LRIG3: variants seen among roughly 807,000 people sequenced by gnomAD.
The protein encoded by LRIG3 is leucine-rich repeats and immunoglobulin-like domains protein 3.
LRIG3 carries 76 observed loss-of-function variants against 114.5 expected under a neutral mutation model. The ratio of observed to expected loss-of-function variants is 0.66; its 90% CI spans 0.55 to 0.80. The LOEUF is 0.80. Among genes scored for constraint, LRIG3 ranks in the 30% least tolerant of loss-of-function variants. The pLI is 0.00. For synonymous variants in LRIG3, 512 were observed against 519.8 expected (o/e 0.98, Z 0.20); for missense variants, 1,239 against 1,382.8 (o/e 0.90, Z 1.65).
At chr12:58,900,590 T>G (rs1018426339) in intron 3 of LRIG3, among the ~76,000 whole-genome samples, 1 of 152,188 alleles carries the variant, frequency 6.6e-6, no homozygotes, top group African/African-American at 2.4e-5. Context: ...TAAGTTACTA[T>G]AGTCTGTTTT....
chr12:58,879,761 A>AT (rs1330612625), intron 13 of LRIG3, among the ~76,000 whole-genome samples: 1 of 152,248 alleles, frequency 6.6e-6, no homozygotes, highest in East Asian at 1.9e-4. Flanking sequence ...CCTTGTAGCC[A>AT]TTTTGCTACA....
intron 1 of LRIG3, among the ~76,000 whole-genome samples, chr12:58,915,799 C>A (rs1354646710): frequency 6.6e-6 from 1 of 152,144 alleles, no homozygotes; most frequent in Non-Finnish European, 1.5e-5. Context: ...AACCGTGAGC[C>A]CAACAACTCA....
intron 3 of LRIG3, among the ~76,000 whole-genome samples, chr12:58,904,551 A>T (rs1871989242): frequency 6.6e-6 from 1 of 152,202 alleles, no homozygotes. Flanking sequence ...TATACTGAAA[A>T]GTCAAGTCAT....
rs1871345718 is a variant in LRIG3 at position 58,888,412 on chromosome 12, C to T, written c.864G>A (p.Met288Ile). The T allele has an allele frequency of 1.2e-6, 2 of 1,613,726 alleles. No individual in the cohort carries two copies. The highest frequency in any genetic ancestry group is 1.7e-6 in the Non-Finnish European group (2 of 1,179,852). ...ITKGWLYGLLMLQELHLSQNA... is the reference protein window; with the variant it reads ...ITKGWLYGLLILQELHLSQNA... ...TTTGGCTGAGATGAAGTTCCTGCAG[C>T]ATCAGCAAGCCGTAAAGCCAGCCTT... The change falls in exon 7 of 19, where the codon ATG becomes ATA. Residue 288 changes from methionine (M) to isoleucine (I), a missense_variant. Physicochemically the swap from Met to Ile is conservative, Grantham distance 10 (BLOSUM62 1). Coordinates refer to ENST00000320743, the MANE Select transcript of LRIG3 (RefSeq NM_153377.5).
At chr12:58,883,341 G>A (rs1871177193) in intron 11 of LRIG3, among the ~76,000 whole-genome samples, 179 bp downstream of exon 11, 1 of 152,126 alleles carries the variant, frequency 6.6e-6, no homozygotes, top group Admixed American at 6.5e-5. Flanking sequence ...AAAATAGAAA[G>A]AAAAACTCAT....
chr12:58,905,191 G>A (rs933142666), intron 3 of LRIG3, among the ~76,000 whole-genome samples: 2 of 152,164 alleles, frequency 1.3e-5, no homozygotes, highest in Non-Finnish European at 2.9e-5. Flanking sequence ...AATGGGAACT[G>A]TTGAAGGGTT....
chr12:58,904,623 T>C (rs975264236), intron 3 of LRIG3, among the ~76,000 whole-genome samples: 4 of 152,274 alleles, frequency 2.6e-5, no homozygotes, highest in Middle Eastern at 6.8e-3. Flanking sequence ...CCAAAATGGG[T>C]CATTGTCAAA....
intron 3 of LRIG3, among the ~76,000 whole-genome samples, chr12:58,912,725 G>A (rs1872331817): frequency 6.6e-6 from 1 of 152,188 alleles, no homozygotes; most frequent in African/African-American, 2.4e-5. Flanking sequence ...GACAGCAAGA[G>A]CAAAGTGGAA....
chr12:58,885,260 T>C (rs1871240137), intron 10 of LRIG3, among the ~76,000 whole-genome samples: 2 of 152,156 alleles, frequency 1.3e-5, no homozygotes, highest in South Asian at 4.1e-4. Flanking sequence ...TGTTTCATAA[T>C]TAAACAACAA....
intron 5 of LRIG3, 47 bp from the exon 6 acceptor site, chr12:58,889,009 G>A: frequency 6.4e-7 from 1 of 1,569,852 alleles, no homozygotes. Flanking sequence ...ATTAAATTCT[G>A]GAGGTAGTAA....
At chr12:58,878,755 T>C in intron 14 of LRIG3, 69 bp downstream of exon 14, 1 of 1,521,552 alleles carries the variant, frequency 6.6e-7, no homozygotes, top group Non-Finnish European at 8.9e-7. Context: ...TTCTGATACT[T>C]AGGGACCTTG....
intron 2 of LRIG3, 56 bp downstream of exon 2, chr12:58,914,209 G>T: frequency 1.3e-6 from 2 of 1,542,402 alleles, no homozygotes; most frequent in African/African-American, 1.4e-5. Context: ...CGGTTAAATA[G>T]TATAAGGGGT....
In LRIG3 at chr12:58,873,259, A is replaced by G. The variant is rs377433805; in HGVS notation, c.3116-443T>C. On this transcript the variant is annotated intron_variant, in intron 18 of 18. Coordinates refer to ENST00000320743, the MANE Select transcript of LRIG3 (RefSeq NM_153377.5). ...CTTTCTTCATTAATTGTAGCCAAAT[A>G]TTACTCAATTGAATCAAATTCTTGC... is the stretch of plus-strand genomic sequence containing the variant. Among the ~76,000 whole-genome samples the G allele has an allele frequency of 2.9e-4, 44 of 152,342 alleles. No individual in the cohort carries two copies. The East Asian group carries it at 6.4e-3, about 22-fold the overall frequency.
Position 58,920,246 on chromosome 12 carries a change from C to G in LRIG3, c.-11G>C. Reference sequence around the variant, plus strand: ...GCTCGGCGCGCTCATCGCGGTCCAGCGGCCTAGGTCTCTACCCGAAGCTCC... The same window carrying G: ...GCTCGGCGCGCTCATCGCGGTCCAGGGGCCTAGGTCTCTACCCGAAGCTCC... On this transcript the variant is annotated 5_prime_UTR_variant, in exon 1 of 19. Coordinates refer to ENST00000320743, the MANE Select transcript of LRIG3 (RefSeq NM_153377.5). 5.9e-6 allele frequency: 8 copies of G among 1,351,038 alleles called. No homozygotes were observed. The highest frequency in any genetic ancestry group is 7.6e-6 in the Non-Finnish European group (8 of 1,058,866). 83.7% of individuals were successfully genotyped at this position (1,351,038 alleles called of 1,614,324 possible).
At chr12:58,903,230 C>T (rs1401964905) in intron 3 of LRIG3, among the ~76,000 whole-genome samples, 1 of 152,166 alleles carries the variant, frequency 6.6e-6, no homozygotes, top group Non-Finnish European at 1.5e-5. Flanking sequence ...TCTCCAGCAC[C>T]TGTTGTTTCC....
rs1872387931 is a variant in LRIG3 at position 58,914,145 on chromosome 12, A to G, written c.309-89T>C. On this transcript the variant is annotated intron_variant, in intron 2 of 18. Transcript: ENST00000320743. ...TGAAAACTTTACATATTATTTCAAG[A>G]TACCACCCAAGTTAAAAGTTTTGAA... The G allele has an allele frequency of 5.3e-6, 8 of 1,514,112 alleles. No individual in the cohort carries two copies. The Admixed American group carries it at 1.5e-4, about 29-fold the overall frequency. The allele number at this position is 1,514,112 out of a possible 1,614,324, so 93.8% of individuals were successfully genotyped here. A position where few individuals can be genotyped will look rare whatever the true frequency, so the allele number is the denominator to read the frequency against.
chr12:58,889,981 G>A lies in LRIG3; in HGVS notation c.659+15C>T, dbSNP rs1287137175. The A allele has an allele frequency of 1.9e-6, 3 of 1,612,450 alleles. No individual in the cohort carries two copies. The highest frequency in any genetic ancestry group is 1.3e-5 in the African/African-American group (1 of 74,834). On this transcript the variant is annotated intron_variant, in intron 5 of 18. Transcript: ENST00000320743. ...AGGAGGTGAGAAACAGTATCTAAGA[G>A]GACATTTTACTTACAGATGTTGCAG...
chr12:58,882,818 A>T, intron 12 of LRIG3, 51 bp downstream of exon 12: 1 of 1,519,334 alleles, frequency 6.6e-7, no homozygotes. Flanking sequence ...GATAAATGGG[A>T]GGGGGAAAAA....
chr12:58,915,676 A>G (rs1417936998), intron 1 of LRIG3, among the ~76,000 whole-genome samples: 3 of 152,186 alleles, frequency 2.0e-5, no homozygotes, highest in African/African-American at 7.2e-5. Context: ...CACAGTCTTT[A>G]AACTATAAAA....
Sources: allele counts gnomAD v4.1 joint callset (sites outside exome capture counted in the v4.1 genomes callset), GRCh38; gene constraint gnomAD v4.1.1; transcripts MANE v1.5; gene names NCBI Gene and HGNC (gene_info 2026-07-23, HGNC 2026-07-21).